The following NTM variants were observed in gnomAD, a reference collection of about 807,000 sequenced individuals.
The protein encoded by NTM is IgLON family member 2.
Under a neutral mutation model 42.1 loss-of-function variants are expected in NTM, and 13 were observed. The observed-to-expected ratio is 0.31, with a 90% confidence interval of 0.20 to 0.49. The LOEUF (loss-of-function observed/expected upper bound fraction) is 0.49, where lower values mean the gene tolerates loss of function less well. NTM is among the 20% of genes least tolerant of loss of function. The pLI is 0.99. For synonymous variants in NTM, 187 were observed against 179.2 expected, an observed-to-expected ratio of 1.04 and a Z score of -0.35; for missense variants, 373 against 452.8, an observed-to-expected ratio of 0.82 and a Z score of 1.60.
rs571343977 is a variant in NTM at position 132,038,334 on chromosome 11, A to G, written c.168-107948A>G. Among the ~76,000 whole-genome samples, 116 of 152,306 alleles carry G rather than the reference A, an allele frequency of 7.6e-4. 2 individuals carry two copies. The highest frequency in any genetic ancestry group is 2.8e-3 in the African/African-American group (115 of 41,570). ...ACAGCTGGCCCCGGCTGTGTGTTGT[A>G]TGTGGAGTGGAGATGTTCTTAATGC... is the stretch of plus-strand genomic sequence containing the variant. On this transcript the variant is annotated intron_variant, in intron 2 of 8. Transcript: ENST00000683400.
chr11:132,150,597 AG>A (rs2071678876), intron 3 of NTM, among the ~76,000 whole-genome samples: 1 of 152,224 alleles, frequency 6.6e-6, no homozygotes, highest in Admixed American at 6.5e-5. Flanking sequence ...TTTAAAAACA[AG>A]AGAGAATTGT....
intron 1 of NTM, among the ~76,000 whole-genome samples, chr11:131,602,768 CTATATA>C (rs1485591517): frequency 6.6e-6 from 1 of 152,120 alleles, no homozygotes; most frequent in African/African-American, 2.4e-5. Flanking sequence ...TTATGTGATG[CTATATA>C]TCTGTCCCCA....
At chr11:131,812,393 C>T (rs1360606727) in intron 1 of NTM, among the ~76,000 whole-genome samples, 1 of 151,998 alleles carries the variant, frequency 6.6e-6, no homozygotes, top group African/African-American at 2.4e-5. Context: ...GAGGATAGAC[C>T]CTAGGACCTG....
At chr11:132,282,063 A>G (rs1025231385) in intron 4 of NTM, among the ~76,000 whole-genome samples, 3 of 152,166 alleles carry the variant, frequency 2.0e-5, no homozygotes, top group African/African-American at 7.2e-5. Context: ...TTGCTATTTT[A>G]CCTCAAAAAA....
intron 6 of NTM, among the ~76,000 whole-genome samples, chr11:132,313,809 C>A (rs2095348600): frequency 6.6e-6 from 1 of 152,120 alleles, no homozygotes; most frequent in African/African-American, 2.4e-5. Flanking sequence ...GTAGTGGCCC[C>A]CAGACCAATG....
At chr11:131,921,886 A>C (rs986275009) in intron 2 of NTM, among the ~76,000 whole-genome samples, 1 of 151,828 alleles carries the variant, frequency 6.6e-6, no homozygotes, top group Non-Finnish European at 1.5e-5. Context: ...ACAGACCCCC[A>C]ACCCCAGGGC....
chr11:131,788,115 CTTTG>C (rs1440396106), intron 1 of NTM, among the ~76,000 whole-genome samples: 1 of 151,884 alleles, frequency 6.6e-6, no homozygotes, highest in East Asian at 1.9e-4. Context: ...TAATTTGTTC[CTTTG>C]TTTGTTTTTA....
intron 1 of NTM, among the ~76,000 whole-genome samples, chr11:131,599,294 G>C (rs2060249296): frequency 6.7e-6 from 1 of 150,308 alleles, no homozygotes; most frequent in African/African-American, 2.5e-5. Flanking sequence ...TGTCTACCCA[G>C]TCTCCGGCAG....
At chr11:132,033,308 T>C (rs1593943362) in intron 2 of NTM, among the ~76,000 whole-genome samples, 1 of 152,216 alleles carries the variant, frequency 6.6e-6, no homozygotes, top group Non-Finnish European at 1.5e-5. Context: ...CCAAATGGAC[T>C]TGGTGTCAGG....
intron 1 of NTM, among the ~76,000 whole-genome samples, chr11:131,576,961 T>C (rs930078700): frequency 1.3e-5 from 2 of 152,218 alleles, no homozygotes; most frequent in African/African-American, 4.8e-5. Context: ...GCCTAGCCCA[T>C]TGTAAATACT....
intron 1 of NTM, among the ~76,000 whole-genome samples, chr11:131,721,695 G>A (rs967827112): frequency 3.9e-5 from 6 of 151,936 alleles, no homozygotes; most frequent in African/African-American, 1.2e-4. Context: ...GTTTCTGTGA[G>A]GATTAGATGA....
At chr11:131,735,376 A>C (rs1157908686) in intron 1 of NTM, among the ~76,000 whole-genome samples, 2 of 152,198 alleles carry the variant, frequency 1.3e-5, no homozygotes, top group African/African-American at 2.4e-5. Flanking sequence ...TGTTCAGTAT[A>C]CAGTTCACGA....
At chr11:131,391,132 A>T (rs1943940492) in intron 1 of NTM, among the ~76,000 whole-genome samples, 1 of 152,128 alleles carries the variant, frequency 6.6e-6, no homozygotes, top group Non-Finnish European at 1.5e-5. Context: ...ATTTTATTTA[A>T]TCTTTCCCTG....
At chr11:132,331,707 G>GGTAA (rs1285194778) in intron 8 of NTM, among the ~76,000 whole-genome samples, 2 of 152,186 alleles carry the variant, frequency 1.3e-5, no homozygotes, top group East Asian at 3.9e-4. Flanking sequence ...GACACAGGGT[G>GGTAA]GTAAGTATTT....
At chr11:131,606,194 A>C (rs934792892) in intron 1 of NTM, among the ~76,000 whole-genome samples, 2 of 152,084 alleles carry the variant, frequency 1.3e-5, no homozygotes, top group Non-Finnish European at 2.9e-5. Flanking sequence ...ACCCACCTTC[A>C]GGCACACACC....
chr11:131,434,823 G>A (rs1049048306), intron 1 of NTM, among the ~76,000 whole-genome samples: 7 of 152,152 alleles, frequency 4.6e-5, no homozygotes, highest in Non-Finnish European at 8.8e-5. Flanking sequence ...TTTGGCTTTT[G>A]TTGCCATTGC....
At chr11:132,267,849 A>C (rs1868537) in intron 4 of NTM, among the ~76,000 whole-genome samples, 53,671 of 151,526 alleles carry the variant, frequency 0.35, 10,224 homozygotes, top group Middle Eastern at 0.5. Context: ...CTCAAAAAAA[A>C]AAAAACAAAA....
At chr11:131,407,951 G>A (rs1480063864) in intron 1 of NTM, among the ~76,000 whole-genome samples, 2 of 152,188 alleles carry the variant, frequency 1.3e-5, no homozygotes, top group Non-Finnish European at 1.5e-5. Flanking sequence ...TTTCGTGGAT[G>A]GTACTTATTC....
intron 1 of NTM, among the ~76,000 whole-genome samples, chr11:131,585,744 A>G (rs566724083): frequency 5.9e-4 from 90 of 151,922 alleles, no homozygotes; most frequent in African/African-American, 2.1e-3. Context: ...TGCCTGCCCC[A>G]AATGGTTGTA....
Sources: allele counts gnomAD v4.1 joint callset (sites outside exome capture counted in the v4.1 genomes callset), GRCh38; gene constraint gnomAD v4.1.1; transcripts MANE v1.5; gene names NCBI Gene and HGNC (gene_info 2026-07-23, HGNC 2026-07-21).